HACE1: variants seen among roughly 807,000 people sequenced by gnomAD.
The protein encoded by HACE1 is HECT domain and ankyrin repeat containing E3 ubiquitin protein ligase 1.
Under a neutral mutation model 118.4 loss-of-function variants are expected in HACE1, and 73 were observed. The observed-to-expected ratio is 0.62, with a 90% CI of 0.51 to 0.75. HACE1 has a LOEUF of 0.75. Among genes scored for constraint, HACE1 ranks in the 30% least tolerant of loss-of-function variants. HACE1 has a pLI of 0.00. For missense variants in HACE1, 749 were observed against 1,102.2 expected, an observed-to-expected ratio of 0.68 and a Z score of 4.54; for synonymous variants, 368 against 374.8, an observed-to-expected ratio of 0.98 and a Z score of 0.21.
intron 7 of HACE1, among the ~76,000 whole-genome samples, chr6:104,805,014 A>G (rs1770834091): frequency 6.6e-6 from 1 of 152,216 alleles, no homozygotes; most frequent in Admixed American, 6.5e-5. Flanking sequence ...ATTTACAAGA[A>G]AAAACAAACA....
intron 14 of HACE1, among the ~76,000 whole-genome samples, chr6:104,780,934 A>C (rs1209285471): frequency 6.6e-6 from 1 of 152,144 alleles, no homozygotes; most frequent in African/African-American, 2.4e-5. Context: ...ATTTTGTAGA[A>C]TGTCCCTCAA....
intron 7 of HACE1, among the ~76,000 whole-genome samples, chr6:104,798,936 C>G (rs1055413199): frequency 1.3e-5 from 2 of 152,138 alleles, no homozygotes; most frequent in African/African-American, 2.4e-5. Context: ...AACTTCCTGA[C>G]AGTAGGCTTG....
chr6:104,771,120 G>T, intron 19 of HACE1, 73 bp downstream of exon 19: 2 of 1,070,856 alleles, frequency 1.9e-6, no homozygotes, highest in Non-Finnish European at 1.5e-6. Context: ...AGTGCCAGAA[G>T]AATTTAGAGT....
At chr6:104,737,282 CAAAAAAAAAA>C (rs59915070) in intron 22 of HACE1, among the ~76,000 whole-genome samples, 4 of 42,718 alleles carry the variant, frequency 9.4e-5, no homozygotes, top group South Asian at 9.5e-4. Flanking sequence ...GACTCTCTCT[CAAAAAAAAAA>C]AAAAAAAAAA....
At chr6:104,741,380 G>T (rs1292729323) in intron 22 of HACE1, among the ~76,000 whole-genome samples, 1 of 151,228 alleles carries the variant, frequency 6.6e-6, no homozygotes, top group African/African-American at 2.4e-5. Context: ...GTCCCTGTTT[G>T]CAGATGACAT....
In HACE1 at chr6:104,784,226, T is replaced by C. The variant is rs775046184; in HGVS notation, c.1479-53A>G. On this transcript the variant is annotated intron_variant, in intron 13 of 23. Coordinates refer to ENST00000262903, the MANE Select transcript of HACE1 (RefSeq NM_020771.4). ...GACAGGAAGAATGAGTAGCATTAAGTGAAATGCAAATTCAGATACACTGAC... is the reference window on the plus strand; with the variant it reads ...GACAGGAAGAATGAGTAGCATTAAGCGAAATGCAAATTCAGATACACTGAC... 1.4e-4 allele frequency: 142 copies of C among 1,040,456 alleles called. 1 individual carries two copies. The highest frequency in any genetic ancestry group is 2.1e-4 in the Non-Finnish European group (136 of 657,134). 64.5% of individuals were successfully genotyped at this position (1,040,456 alleles called of 1,614,324 possible).
At position 104,750,477 on chromosome 6, in the gene HACE1, T is replaced by G; in HGVS notation, c.2212-5A>C. 1 of 1,613,122 alleles carries G rather than the reference T, an allele frequency of 6.2e-7. No individual in the cohort carries two copies. Among genetic ancestry groups the G allele is most frequent in the Non-Finnish European group, 8.5e-7 (1 of 1,179,270 alleles). On this transcript the variant is annotated splice_polypyrimidine_tract_variant and splice_region_variant and intron_variant, in intron 19 of 23. Transcript: ENST00000262903. ...AACAAGCTGGACGTACTCCGCCTGT[T>G]GAAAAAGAAGTTTTCATGATGACTT...
At chr6:104,838,738 GA>G (rs1296206722) in intron 5 of HACE1, among the ~76,000 whole-genome samples, 1 of 151,242 alleles carries the variant, frequency 6.6e-6, no homozygotes, top group Non-Finnish European at 1.5e-5. Flanking sequence ...GGACAAATAG[GA>G]TCACTTCAAG....
At position 104,849,168 on chromosome 6, in the gene HACE1, T is replaced by C. The variant is rs532355132; in HGVS notation, c.300A>G (p.Thr100=). The change falls in exon 4 of 24, where the codon ACA becomes ACG. Residue 100 remains threonine, a synonymous_variant. Transcript: ENST00000262903. ...NPNYQDISGC[T]PLHLAARNGQ... ...CATTTCTTGCTGCCAAATGAAGGGG[T>C]GTACAGCCTGAAATATCTTGATAGT... 3.1e-6 allele frequency: 5 copies of C among 1,602,178 alleles called. No individual in the cohort carries two copies. Among genetic ancestry groups the C allele is most frequent in the Non-Finnish European group, 4.3e-6 (5 of 1,169,302 alleles).
chr6:104,832,937 G>T, intron 6 of HACE1, 105 bp downstream of exon 6: 2 of 1,038,418 alleles, frequency 1.9e-6, no homozygotes, highest in South Asian at 1.3e-5. Context: ...ATAAGATTTT[G>T]CTATAATGCT....
intron 14 of HACE1, chr6:104,780,360 T>C: frequency 2.2e-6 from 1 of 452,786 alleles, no homozygotes; most frequent in Non-Finnish European, 4.4e-6. Context: ...TACCTGCATT[T>C]CCATAAATAA....
chr6:104,843,332 C>T (rs1775296000), intron 4 of HACE1, 34 bp from the exon 5 acceptor site: 1 of 954,886 alleles, frequency 1.0e-6, no homozygotes, highest in Non-Finnish European at 1.7e-6. Context: ...ATAACTGGTA[C>T]TTAAAAAATA....
chr6:104,852,168 A>C (rs1279119323), intron 2 of HACE1, 149 bp downstream of exon 2: 26 of 635,418 alleles, frequency 4.1e-5, no homozygotes, highest in Non-Finnish European at 8.7e-6. Flanking sequence ...AAGTTAAATA[A>C]CTTGCCCCAG....
chr6:104,754,810 T>G (rs1379947859), intron 19 of HACE1, among the ~76,000 whole-genome samples: 2 of 152,104 alleles, frequency 1.3e-5, no homozygotes, highest in Non-Finnish European at 2.9e-5. Flanking sequence ...AAGAAAAAAT[T>G]GTTACCAGCC....
Position 104,785,077 on chromosome 6 carries a change from T to C in HACE1, c.1317A>G (p.Ala439=). The C allele has an allele frequency of 6.2e-7, 1 of 1,613,860 alleles. No homozygotes were observed. ...TCATAGAAATAACATCCTGACAATC[T>C]GCACTGGCTTCCTGTCTCCCTGCAA... ...DALAGRQEAS[A]DCQDVISMTA... Residue 439 remains alanine, a synonymous_variant, in exon 12 of 24, where the codon GCA becomes GCG. Transcript: ENST00000262903.
At chr6:104,780,377 A>G (rs1781602478) in intron 14 of HACE1, 2 of 450,434 alleles carry the variant, frequency 4.4e-6, no homozygotes, top group Admixed American at 2.5e-5. Context: ...ATAATTCACA[A>G]AACAGGACTG....
intron 6 of HACE1, among the ~76,000 whole-genome samples, chr6:104,822,611 C>A (rs1582646835): frequency 6.6e-6 from 1 of 151,986 alleles, no homozygotes; most frequent in African/African-American, 2.4e-5. Context: ...AATCCTAGCA[C>A]TTTGGGAGGC....
chr6:104,825,745 G>A (rs1264896514), intron 6 of HACE1, among the ~76,000 whole-genome samples: 2 of 152,046 alleles, frequency 1.3e-5, no homozygotes, highest in Non-Finnish European at 2.9e-5. Context: ...CAGCTGCTGG[G>A]GCCAATTCCC....
chr6:104,845,221 G>C (rs1446352955), intron 4 of HACE1, among the ~76,000 whole-genome samples: 2 of 151,582 alleles, frequency 1.3e-5, no homozygotes, highest in African/African-American at 4.8e-5. Flanking sequence ...TTCATACCAT[G>C]GATTATATCA....
Sources: allele counts gnomAD v4.1 joint callset (sites outside exome capture counted in the v4.1 genomes callset), GRCh38; gene constraint gnomAD v4.1.1; transcripts MANE v1.5; gene names NCBI Gene and HGNC (gene_info 2026-07-23, HGNC 2026-07-21).